The following FRMD5 variants were observed in gnomAD, a reference collection of about 807,000 sequenced individuals.
The protein encoded by FRMD5 is FERM domain-containing protein 5.
Under a neutral mutation model 69.0 loss-of-function variants are expected in FRMD5, and 20 were observed. That is an observed-to-expected ratio of 0.29 (90% CI 0.20 to 0.42). The LOEUF is 0.42. Ranked by LOEUF, FRMD5 falls within the 10% of genes least tolerant of loss-of-function variation. The pLI is 1.00. For missense variants in FRMD5, 595 were observed against 708.6 expected, an observed-to-expected ratio of 0.84 and a Z score of 1.82; for synonymous variants, 271 against 260.1, an observed-to-expected ratio of 1.04 and a Z score of -0.40.
At chr15:44,143,387 T>A (rs2077302243) in intron 1 of FRMD5, among the ~76,000 whole-genome samples, 1 of 151,928 alleles carries the variant, frequency 6.6e-6, no homozygotes, top group South Asian at 2.1e-4. Context: ...CACAAACTTT[T>A]CACTTGGGGA....
At chr15:44,148,302 C>G (rs898018078) in intron 1 of FRMD5, among the ~76,000 whole-genome samples, 2 of 151,092 alleles carry the variant, frequency 1.3e-5, no homozygotes, top group Non-Finnish European at 2.9e-5. Context: ...GACGGAGTCT[C>G]GCTCTGTCCC....
rs531545999 is a variant in FRMD5 at position 43,963,460 on chromosome 15, G to C, written c.103-39151C>G. 8.2e-4 allele frequency among the ~76,000 whole-genome samples: 125 copies of C among 152,310 alleles called. 2 individuals carry two copies. Among genetic ancestry groups the C allele is most frequent in the African/African-American group, 2.9e-3 (122 of 41,566 alleles). ...AGGAACACTTTTACACTGTTGGTGG[G>C]ACTGTAAACTAGTTCAACCATTGTG... On this transcript the variant is annotated intron_variant, in intron 1 of 13. Coordinates refer to ENST00000417257, the MANE Select transcript of FRMD5 (RefSeq NM_032892.5).
rs951605383 is a variant in FRMD5, at chr15:44,054,478, T to C, written c.103-130169A>G. On this transcript the variant is annotated intron_variant, in intron 1 of 13. Transcript: ENST00000417257. ...ACATCTTGATTATAGAAACTGATTC[T>C]TGAGTGAATGCAAAAACATCTAATA... Among the ~76,000 whole-genome samples, 5 of 152,326 alleles carry C rather than the reference T, an allele frequency of 3.3e-5. No homozygotes were observed. The East Asian group carries it at 9.6e-4, about 29-fold the overall frequency.
intron 1 of FRMD5, among the ~76,000 whole-genome samples, chr15:43,971,554 C>T (rs1294131598): frequency 2.0e-5 from 3 of 146,830 alleles, no homozygotes; most frequent in Non-Finnish European, 4.5e-5. Context: ...CATGGTGGCA[C>T]GCATCTGTAA....
chr15:43,879,098 C>T (rs576348090), intron 13 of FRMD5, among the ~76,000 whole-genome samples: 5 of 151,830 alleles, frequency 3.3e-5, no homozygotes, highest in East Asian at 3.9e-4. Flanking sequence ...CCACCATGCC[C>T]GGCTAATTTT....
In FRMD5 at chr15:44,007,557, C is replaced by T. The variant is rs1890506494; in HGVS notation, c.103-83248G>A. Among the ~76,000 whole-genome samples the T allele has an allele frequency of 2.0e-5, 3 of 151,184 alleles. No individual in the cohort carries two copies. The South Asian group carries it at 6.3e-4, about 32-fold the overall frequency. ...AACATCCTAACATACTTTGCATTTT[C>T]CTAGTATCTACAAGGCCAGATATTT... On this transcript the variant is annotated intron_variant, in intron 1 of 13. Coordinates refer to ENST00000417257, the MANE Select transcript of FRMD5 (RefSeq NM_032892.5).
intron 1 of FRMD5, among the ~76,000 whole-genome samples, chr15:44,035,008 C>A (rs1052347586): frequency 6.6e-6 from 1 of 152,178 alleles, no homozygotes; most frequent in African/African-American, 2.4e-5. Context: ...ACTGGCCTAT[C>A]AGAACACTTA....
At chr15:44,148,418 C>G (rs1025155274) in intron 1 of FRMD5, among the ~76,000 whole-genome samples, 1 of 151,994 alleles carries the variant, frequency 6.6e-6, no homozygotes, top group Non-Finnish European at 1.5e-5. Context: ...ACTACAGGCG[C>G]CCGCCACAAC....
In FRMD5 at chr15:43,961,316, A is replaced by C. The variant is rs556164659; in HGVS notation, c.103-37007T>G. Among the ~76,000 whole-genome samples the C allele has an allele frequency of 6.8e-3, 1,041 of 152,354 alleles. 17 individuals are homozygous for C. Among genetic ancestry groups the C allele is most frequent in the African/African-American group, 0.024 (982 of 41,586 alleles). On this transcript the variant is annotated intron_variant, in intron 1 of 13. Coordinates refer to ENST00000417257, the MANE Select transcript of FRMD5 (RefSeq NM_032892.5). ...CTAGAAAATCTAGAAGAAATGGAGA[A>C]ATTCCTCGACACATACACTCTCCCA...
At chr15:44,064,991 T>G (rs1246955751) in intron 1 of FRMD5, among the ~76,000 whole-genome samples, 1 of 152,206 alleles carries the variant, frequency 6.6e-6, no homozygotes, top group African/African-American at 2.4e-5. Context: ...CTAGCATCAC[T>G]GAGAATAGAC....
At chr15:43,958,035 T>C (rs1329161622) in intron 1 of FRMD5, among the ~76,000 whole-genome samples, 1 of 152,230 alleles carries the variant, frequency 6.6e-6, no homozygotes, top group Non-Finnish European at 1.5e-5. Context: ...GTGTAACCTA[T>C]TATTTTTTTG....
chr15:44,191,385 A>G (rs1447194858), intron 1 of FRMD5, among the ~76,000 whole-genome samples: 1 of 152,094 alleles, frequency 6.6e-6, no homozygotes. Flanking sequence ...CAAGAGATAG[A>G]GACCATCCTG....
Position 43,873,225 on chromosome 15 carries a change from G to T in FRMD5, c.*660C>A, listed in dbSNP as rs2088211123. 1.3e-6 allele frequency: 2 copies of T among 1,549,974 alleles called. No individual in the cohort carries two copies. Among genetic ancestry groups the T allele is most frequent in the African/African-American group, 1.4e-5 (1 of 73,094 alleles). The stretch of plus-strand genomic sequence containing the variant: ...GGTGGTCCCTTCAGATGCCCACTCT[G>T]CTCAGATTTGAAAAAACAAAAGGAA... On this transcript the variant is annotated 3_prime_UTR_variant, in exon 14 of 14. Coordinates refer to ENST00000417257, the MANE Select transcript of FRMD5 (RefSeq NM_032892.5).
chr15:43,987,970 G>C (rs1421879412), intron 1 of FRMD5, among the ~76,000 whole-genome samples: 2 of 152,180 alleles, frequency 1.3e-5, no homozygotes, highest in Non-Finnish European at 2.9e-5. Flanking sequence ...GGTCATGGGA[G>C]ACAGTGACAG....
At chr15:43,918,251 C>T (rs1488728459) in intron 4 of FRMD5, among the ~76,000 whole-genome samples, 2 of 152,136 alleles carry the variant, frequency 1.3e-5, no homozygotes, top group Non-Finnish European at 2.9e-5. Flanking sequence ...TGGTGAAACC[C>T]CGTCTCTACT....
chr15:44,081,210 C>T (rs1480074309), intron 1 of FRMD5, among the ~76,000 whole-genome samples: 1 of 152,098 alleles, frequency 6.6e-6, no homozygotes, highest in African/African-American at 2.4e-5. Flanking sequence ...TCATTACACT[C>T]CATAGCCCTT....
intron 1 of FRMD5, among the ~76,000 whole-genome samples, chr15:43,963,028 A>G (rs1261164841): frequency 6.6e-6 from 1 of 152,236 alleles, no homozygotes; most frequent in Admixed American, 6.5e-5. Flanking sequence ...ACCAAAAGCA[A>G]TGGCAACAAA....
At chr15:44,079,619 A>T (rs1330434268) in intron 1 of FRMD5, among the ~76,000 whole-genome samples, 2 of 152,160 alleles carry the variant, frequency 1.3e-5, no homozygotes, top group African/African-American at 4.8e-5. Context: ...GTATATACCC[A>T]AAAGAACTGA....
chr15:44,106,362 G>A (rs1664496640), intron 1 of FRMD5, among the ~76,000 whole-genome samples: 1 of 152,102 alleles, frequency 6.6e-6, no homozygotes, highest in African/African-American at 2.4e-5. Flanking sequence ...TCTAAGAACT[G>A]TTCCCTGCCA....
Sources: allele counts gnomAD v4.1 joint callset (sites outside exome capture counted in the v4.1 genomes callset), GRCh38; gene constraint gnomAD v4.1.1; transcripts MANE v1.5; gene names NCBI Gene and HGNC (gene_info 2026-07-23, HGNC 2026-07-21).